CAMTA1: variants seen among roughly 807,000 people sequenced by gnomAD.
The protein encoded by CAMTA1 is calmodulin-binding transcription activator 1.
In CAMTA1, 27 loss-of-function variants were observed where a neutral mutation model predicts 170.9. That is an observed-to-expected ratio of 0.16 (90% CI 0.12 to 0.22). The LOEUF (loss-of-function observed/expected upper bound fraction) is 0.22, where lower values mean the gene tolerates loss of function less well. Ranked by LOEUF, CAMTA1 falls within the 10% of genes least tolerant of loss-of-function variation. The pLI, the probability that CAMTA1 is intolerant of heterozygous loss-of-function variation, is 1.00. For synonymous variants in CAMTA1, 833 were observed against 891.5 expected (o/e 0.93, Z 1.17); for missense variants, 1,619 against 2,217.2 (o/e 0.73, Z 5.42).
chr1:7,566,879 C>G lies in CAMTA1; in HGVS notation c.511-73521C>G, dbSNP rs116798773. On this transcript the variant is annotated intron_variant, in intron 6 of 22. Coordinates refer to ENST00000303635, the MANE Select transcript of CAMTA1 (RefSeq NM_015215.4). ...CATGCTGCCAGACTCCCGAGCACCC[C>G]CTCTGTGCCCACACGGACACAGTCT... Among the ~76,000 whole-genome samples, 915 of 152,350 alleles carry G rather than the reference C, an allele frequency of 6.0e-3. 10 individuals carry two copies. The highest frequency in any genetic ancestry group is 0.021 in the African/African-American group (875 of 41,570).
intron 6 of CAMTA1, among the ~76,000 whole-genome samples, chr1:7,536,609 C>T (rs901086354): frequency 6.6e-6 from 1 of 152,114 alleles, no homozygotes; most frequent in Non-Finnish European, 1.5e-5. Context: ...CCGGGCAGGG[C>T]TGCTGGGGGC....
intron 5 of CAMTA1, among the ~76,000 whole-genome samples, chr1:7,338,507 T>C (rs2083563070): frequency 6.6e-6 from 1 of 152,220 alleles, no homozygotes; most frequent in Non-Finnish European, 1.5e-5. Context: ...CATCAATTCA[T>C]GTATTCAAAT....
intron 3 of CAMTA1, among the ~76,000 whole-genome samples, chr1:7,058,490 G>A (rs1013744875): frequency 6.6e-6 from 1 of 152,158 alleles, no homozygotes; most frequent in Non-Finnish European, 1.5e-5. Flanking sequence ...TTGAAAGGCC[G>A]GGGCAGGTGC....
intron 12 of CAMTA1, among the ~76,000 whole-genome samples, chr1:7,735,381 G>A (rs901440594): frequency 3.3e-5 from 5 of 150,892 alleles, no homozygotes; most frequent in African/African-American, 1.2e-4. Flanking sequence ...GGAAGCAGAG[G>A]TTGGAATGAG....
intron 5 of CAMTA1, among the ~76,000 whole-genome samples, chr1:7,356,378 G>A (rs994840545): frequency 2.0e-5 from 3 of 152,250 alleles, no homozygotes; most frequent in Non-Finnish European, 2.9e-5. Context: ...CCTGCCTGGC[G>A]CTGGGCTTTT....
intron 6 of CAMTA1, among the ~76,000 whole-genome samples, chr1:7,474,802 G>A (rs945377141): frequency 3.9e-5 from 6 of 152,250 alleles, no homozygotes; most frequent in Admixed American, 3.3e-4. Flanking sequence ...GAGACTTGAT[G>A]TCTATTTGGA....
intron 3 of CAMTA1, among the ~76,000 whole-genome samples, chr1:6,922,385 C>T (rs887192271): frequency 8.8e-5 from 9 of 101,772 alleles, no homozygotes; most frequent in African/African-American, 3.4e-4. Context: ...TCTCTTGGTT[C>T]TGGGGCTGGC....
chr1:7,437,351 AGGAAAACCCTGTTC>A (rs931113420), intron 5 of CAMTA1, among the ~76,000 whole-genome samples: 19 of 152,148 alleles, frequency 1.2e-4, no homozygotes, highest in Admixed American at 1.1e-3. Context: ...GAGGGCGGTG[AGGAAAACCCTGTTC>A]GGGGCCTCTC....
At chr1:6,785,676 GGGGCGCGGCGGGCGGGC>G (rs1638963485) in intron 1 of CAMTA1, 101 bp downstream of exon 1, 1 of 280,750 alleles carries the variant, frequency 3.6e-6, no homozygotes, top group African/African-American at 2.4e-5. Context: ...CGGGAGCGCG[GGGGCGCGGCGGGCGGGC>G]GGGCGGGCGA....
At chr1:6,891,714 CT>C (rs762659897) in intron 3 of CAMTA1, among the ~76,000 whole-genome samples, 3 of 152,130 alleles carry the variant, frequency 2.0e-5, no homozygotes, top group Non-Finnish European at 4.4e-5. Flanking sequence ...AGGAAAGAAG[CT>C]TATTGGACTT....
chr1:7,085,254 G>A (rs1039167998), intron 3 of CAMTA1, among the ~76,000 whole-genome samples: 1 of 152,222 alleles, frequency 6.6e-6, no homozygotes, highest in African/African-American at 2.4e-5. Flanking sequence ...GGCACTTAGA[G>A]GAACAGTGCT....
intron 5 of CAMTA1, among the ~76,000 whole-genome samples, chr1:7,391,131 G>C (rs770083277): frequency 3.3e-5 from 5 of 152,104 alleles, no homozygotes; most frequent in Non-Finnish European, 5.9e-5. Context: ...CCGAGTAGCC[G>C]GGATTACAGG....
At chr1:7,631,776 G>T (rs1262522810) in intron 6 of CAMTA1, among the ~76,000 whole-genome samples, 1 of 152,136 alleles carries the variant, frequency 6.6e-6, no homozygotes, top group Non-Finnish European at 1.5e-5. Context: ...AGGCCTCTCT[G>T]ATCCTCCCCC....
chr1:7,527,932 C>T (rs945061643), intron 6 of CAMTA1, among the ~76,000 whole-genome samples: 7 of 152,296 alleles, frequency 4.6e-5, no homozygotes, highest in East Asian at 3.9e-4. Flanking sequence ...CTAGAGATCG[C>T]TCCAAGAAGC....
intron 3 of CAMTA1, among the ~76,000 whole-genome samples, chr1:6,852,286 C>T (rs901222736): frequency 6.6e-6 from 1 of 152,150 alleles, no homozygotes; most frequent in Admixed American, 6.5e-5. Context: ...CTTCTACACT[C>T]ACAAAACTTC....
intron 3 of CAMTA1, among the ~76,000 whole-genome samples, chr1:6,873,370 T>A (rs542189734): frequency 1.6e-4 from 24 of 152,306 alleles, no homozygotes; most frequent in Admixed American, 3.9e-4. Flanking sequence ...CATGTCCTTC[T>A]AGCACTAAAG....
chr1:7,716,802 C>T (rs759637731), intron 11 of CAMTA1, among the ~76,000 whole-genome samples: 5 of 152,050 alleles, frequency 3.3e-5, no homozygotes, highest in Non-Finnish European at 7.4e-5. Flanking sequence ...ATTAGGATGT[C>T]AGAGAGAGAT....
rs1404168985 is a variant in CAMTA1, at chr1:6,785,773, C to T, written c.45+198C>T. On this transcript the variant is annotated intron_variant, in intron 1 of 22. Transcript: ENST00000303635. ...CCGAGTCCTGAGGTGACTCGCGGGG[C>T]CGGCGGAGCGCGGCGCCCCACACCC... Among the ~76,000 whole-genome samples, 3 of 124,346 alleles carry T rather than the reference C, an allele frequency of 2.4e-5. No homozygotes were observed. In the East Asian group the frequency reaches 8.6e-4, roughly 36 times the overall value. The allele number at this position is 124,346 out of a possible 152,430, so 81.6% of individuals were successfully genotyped here. A position where few individuals can be genotyped will look rare whatever the true frequency, so the allele number is the denominator to read the frequency against.
At chr1:7,040,921 A>C (rs1704349839) in intron 3 of CAMTA1, among the ~76,000 whole-genome samples, 1 of 151,974 alleles carries the variant, frequency 6.6e-6, no homozygotes, top group Non-Finnish European at 1.5e-5. Context: ...ACTGGGTTTC[A>C]CCATGTTGGC....
Sources: gnomAD v4.1 joint callset for allele counts (sites outside exome capture counted in the v4.1 genomes callset) on GRCh38, gnomAD v4.1.1 for gene constraint, MANE v1.5 for transcripts, NCBI Gene and HGNC (gene_info 2026-07-23, HGNC 2026-07-21) for gene names.